Variants in LRP1B observed in about 807,000 individuals in gnomAD.
LRP1B encodes the protein low-density lipoprotein receptor-related protein 1B.
LRP1B carries 217 observed loss-of-function variants against 556.6 expected under a neutral mutation model. The ratio of observed to expected loss-of-function variants is 0.39; its 90% confidence interval spans 0.35 to 0.44. The LOEUF (loss-of-function observed/expected upper bound fraction) is 0.44, where lower values mean the gene tolerates loss of function less well. LRP1B is among the 20% of genes least tolerant of loss of function. The pLI is 1.00. For missense variants in LRP1B, 5,053 were observed against 5,620.8 expected (o/e 0.90, Z 3.23); for synonymous variants, 2,047 against 1,865.8 (o/e 1.10, Z -2.50).
intron 66 of LRP1B, among the ~76,000 whole-genome samples, chr2:140,426,312 G>A (rs1376717801): frequency 2.0e-5 from 3 of 151,978 alleles, no homozygotes; most frequent in African/African-American, 4.8e-5. Context: ...GGTGAATTCT[G>A]AAAGAAAAAA....
intron 41 of LRP1B, among the ~76,000 whole-genome samples, chr2:140,626,575 A>G (rs559849420): frequency 6.6e-6 from 1 of 152,176 alleles, no homozygotes; most frequent in South Asian, 2.1e-4. Flanking sequence ...ACATCAAACA[A>G]TGTAGTGGAA....
chr2:141,482,316 G>A (rs1390414226), intron 2 of LRP1B, among the ~76,000 whole-genome samples: 1 of 151,964 alleles, frequency 6.6e-6, no homozygotes, highest in African/African-American at 2.4e-5. Flanking sequence ...TTTTTATGCT[G>A]TAGCTTCACT....
At position 140,769,308 on chromosome 2, in the gene LRP1B, C is replaced by A. The variant is rs754799609; in HGVS notation, c.5663G>T (p.Gly1888Val). ...ESFLMYSVHE[G>V]IRGIPLEPSD... ...TGGTTCAAGAGGTATTCCCCTGATT[C>A]CTTCATGAACAGAGTACATAAGAAA... The change falls in exon 35 of 91, where the codon GGA becomes GTA. Residue 1888 changes from glycine (G) to valine (V), a missense_variant. Gly to Val is a moderately radical substitution (Grantham distance 109). Coordinates refer to ENST00000389484, the MANE Select transcript of LRP1B (RefSeq NM_018557.3). 6.2e-7 allele frequency: 1 copy of A among 1,611,812 alleles called. No individual in the cohort carries two copies. Among genetic ancestry groups the A allele is most frequent in the Non-Finnish European group, 8.5e-7 (1 of 1,178,486 alleles).
intron 83 of LRP1B, among the ~76,000 whole-genome samples, chr2:140,310,414 CAA>C (rs10670842): frequency 1.7e-4 from 21 of 124,812 alleles, no homozygotes; most frequent in Non-Finnish European, 1.9e-4. Flanking sequence ...CATACGGAAC[CAA>C]AAAAAAAAAA....
At chr2:141,423,937 CTG>C (rs1427915622) in intron 3 of LRP1B, among the ~76,000 whole-genome samples, 1 of 151,830 alleles carries the variant, frequency 6.6e-6, no homozygotes, top group Non-Finnish European at 1.5e-5. Context: ...CATTTACTTG[CTG>C]TGTGTCTCAG....
intron 1 of LRP1B, among the ~76,000 whole-genome samples, chr2:141,905,162 A>G (rs1699719108): frequency 6.6e-6 from 1 of 151,946 alleles, no homozygotes; most frequent in Non-Finnish European, 1.5e-5. Context: ...CCGCAGAGTT[A>G]GGAATTGGTG....
chr2:140,799,364 C>T (rs1303208721), intron 32 of LRP1B, among the ~76,000 whole-genome samples: 1 of 152,018 alleles, frequency 6.6e-6, no homozygotes, highest in African/African-American at 2.4e-5. Context: ...AAGAACCCGT[C>T]AAGAAGGCTA....
chr2:140,421,603 A>G (rs1685447993), intron 66 of LRP1B, among the ~76,000 whole-genome samples: 1 of 152,220 alleles, frequency 6.6e-6, no homozygotes, highest in South Asian at 2.1e-4. Context: ...GTATGCAAAA[A>G]TGGGTGTTTG....
chr2:141,246,801 C>T (rs769669797), intron 5 of LRP1B, among the ~76,000 whole-genome samples: 2 of 152,208 alleles, frequency 1.3e-5, no homozygotes, highest in Middle Eastern at 3.4e-3. Context: ...CCTGTCTCTA[C>T]TAAAAATGCA....
chr2:142,016,800 C>T (rs1157823450), intron 1 of LRP1B, among the ~76,000 whole-genome samples: 2 of 148,668 alleles, frequency 1.3e-5, no homozygotes, highest in Non-Finnish European at 3.0e-5. Flanking sequence ...ACGTTCTGCA[C>T]ATTTATCCCA....
At chr2:142,100,503 T>A (rs577810560) in intron 1 of LRP1B, among the ~76,000 whole-genome samples, 201 of 152,126 alleles carry the variant, frequency 1.3e-3, no homozygotes, top group African/African-American at 4.4e-3. Flanking sequence ...CCCTTTCATT[T>A]CTTTGGGAAG....
At chr2:140,880,726 G>A (rs1417792981) in intron 25 of LRP1B, among the ~76,000 whole-genome samples, 1 of 152,122 alleles carries the variant, frequency 6.6e-6, no homozygotes, top group African/African-American at 2.4e-5. Flanking sequence ...GGAGAAAAGT[G>A]GCTAGTTGCA....
chr2:140,491,487 T>C (rs1446564445), intron 57 of LRP1B, among the ~76,000 whole-genome samples: 8 of 152,078 alleles, frequency 5.3e-5, no homozygotes, highest in African/African-American at 1.9e-4. Context: ...TAGAAAGACT[T>C]AGAAGGGCTG....
intron 41 of LRP1B, among the ~76,000 whole-genome samples, chr2:140,622,867 G>A (rs1487487671): frequency 6.6e-6 from 1 of 152,146 alleles, no homozygotes; most frequent in Non-Finnish European, 1.5e-5. Context: ...CTGGGAACAT[G>A]TTAACTACTG....
At chr2:140,596,761 T>C (rs967901304) in intron 43 of LRP1B, among the ~76,000 whole-genome samples, 3 of 152,158 alleles carry the variant, frequency 2.0e-5, no homozygotes, top group Non-Finnish European at 4.4e-5. Context: ...CTGCTACGTA[T>C]GTGGCTAGGT....
intron 11 of LRP1B, among the ~76,000 whole-genome samples, chr2:141,022,841 A>G (rs1230918801): frequency 1.3e-5 from 2 of 151,994 alleles, no homozygotes; most frequent in African/African-American, 2.4e-5. Flanking sequence ...CAAGTATTCT[A>G]CATTATAAAA....
At chr2:140,734,591 T>G (rs1312590396) in intron 35 of LRP1B, among the ~76,000 whole-genome samples, 4 of 152,194 alleles carry the variant, frequency 2.6e-5, no homozygotes, top group Non-Finnish European at 5.9e-5. Flanking sequence ...ATTTTAGCAG[T>G]AAAAGCCCAA....
chr2:141,406,435 A>C (rs886367772), intron 3 of LRP1B, among the ~76,000 whole-genome samples: 1 of 151,976 alleles, frequency 6.6e-6, no homozygotes, highest in Non-Finnish European at 1.5e-5. Context: ...AGGCATAATA[A>C]AGGCAAAATA....
intron 7 of LRP1B, among the ~76,000 whole-genome samples, chr2:141,151,168 G>A (rs1701915055): frequency 6.6e-6 from 1 of 152,112 alleles, no homozygotes; most frequent in African/African-American, 2.4e-5. Flanking sequence ...CCAATGCTAT[G>A]TGGAGGACCC....
Sources: allele counts gnomAD v4.1 joint callset (sites outside exome capture counted in the v4.1 genomes callset), GRCh38; gene constraint gnomAD v4.1.1; transcripts MANE v1.5; gene names NCBI Gene and HGNC (gene_info 2026-07-23, HGNC 2026-07-21).